Variants in TENM4 observed in about 807,000 individuals in gnomAD.
TENM4 encodes the protein teneurin-4.
TENM4 carries 82 observed loss-of-function variants against 243.3 expected under a neutral mutation model. The observed-to-expected ratio is 0.34, with a 90% CI of 0.28 to 0.40. The LOEUF is 0.40. TENM4 is among the 10% of genes least tolerant of loss of function. The probability of loss-of-function intolerance (pLI) is 1.00; values close to 1 mark genes in which losing one functional copy is unlikely to be tolerated. For synonymous variants in TENM4, 1,412 were observed against 1,456.3 expected, an observed-to-expected ratio of 0.97 and a Z score of 0.69; for missense variants, 3,138 against 3,673.3, an observed-to-expected ratio of 0.85 and a Z score of 3.77.
intron 24 of TENM4, among the ~76,000 whole-genome samples, chr11:78,721,464 C>A (rs188674666): frequency 2.0e-5 from 3 of 152,316 alleles, no homozygotes; most frequent in African/African-American, 7.2e-5. Flanking sequence ...AGGAACTTAA[C>A]AAGGCATTAA....
At chr11:79,182,065 A>G (rs1019965971) in intron 3 of TENM4, among the ~76,000 whole-genome samples, 3 of 152,160 alleles carry the variant, frequency 2.0e-5, no homozygotes, top group African/African-American at 2.4e-5. Flanking sequence ...AAATCCCAGC[A>G]AGTTATTTTG....
chr11:79,257,852 T>C (rs998763202), intron 2 of TENM4, among the ~76,000 whole-genome samples: 3 of 152,170 alleles, frequency 2.0e-5, no homozygotes, highest in Non-Finnish European at 4.4e-5. Flanking sequence ...AGGATCATCA[T>C]AGATAATGTG....
chr11:79,296,975 A>G (rs148787333), intron 2 of TENM4, among the ~76,000 whole-genome samples: 217 of 152,326 alleles, frequency 1.4e-3, no homozygotes, highest in African/African-American at 5.0e-3. Context: ...GGGACTAAAT[A>G]CCCTGGGAAA....
chr11:79,101,093 G>A (rs921643211), intron 4 of TENM4, among the ~76,000 whole-genome samples: 2 of 152,148 alleles, frequency 1.3e-5, no homozygotes, highest in Non-Finnish European at 2.9e-5. Flanking sequence ...AGAGGGGAGG[G>A]TATTGGGGGC....
rs773597999 is a variant in TENM4 at position 78,670,136 on chromosome 11, C to T, written c.6209G>A (p.Arg2070His). 36 of 1,613,888 alleles carry T rather than the reference C, an allele frequency of 2.2e-5. No individual in the cohort carries two copies. In the East Asian group the frequency reaches 2.9e-4, roughly 13 times the overall value. ...IGPLIDRQIFRFTEEGMVNAR... is the reference protein window; with the variant it reads ...IGPLIDRQIFHFTEEGMVNAR... ...GTTGACCATGCCTTCCTCAGTGAAG[C>T]GGAAGATCTGTCGGTCAATCAGGGG... Residue 2070 changes from arginine to histidine, a missense_variant, in exon 32 of 34, where the codon CGC (arginine) becomes CAC (histidine). By Grantham distance (29) the Arg-to-His change is conservative. Coordinates refer to ENST00000278550, the MANE Select transcript of TENM4 (RefSeq NM_001098816.3).
At chr11:78,739,208 A>G (rs954248753) in intron 19 of TENM4, among the ~76,000 whole-genome samples, 1 of 152,150 alleles carries the variant, frequency 6.6e-6, no homozygotes, top group Non-Finnish European at 1.5e-5. Context: ...CTCTTACTCT[A>G]TATTTTGGAC....
intron 3 of TENM4, among the ~76,000 whole-genome samples, chr11:79,189,521 G>T (rs1020721564): frequency 1.3e-5 from 2 of 152,204 alleles, no homozygotes; most frequent in African/African-American, 2.4e-5. Context: ...CACTGCAAAT[G>T]AATCAAACAT....
intron 12 of TENM4, among the ~76,000 whole-genome samples, chr11:78,852,023 C>T (rs770365687): frequency 6.6e-6 from 1 of 152,186 alleles, no homozygotes; most frequent in Non-Finnish European, 1.5e-5. Context: ...CAGTTGCTGC[C>T]GCCAATCCTG....
intron 6 of TENM4, among the ~76,000 whole-genome samples, chr11:79,027,170 G>A (rs1222247179): frequency 1.3e-5 from 2 of 152,192 alleles, no homozygotes; most frequent in Non-Finnish European, 2.9e-5. Flanking sequence ...AAAATTTAGG[G>A]GAAGAGGATA....
At chr11:78,941,484 A>G (rs997787061) in intron 6 of TENM4, among the ~76,000 whole-genome samples, 13 of 152,104 alleles carry the variant, frequency 8.5e-5, no homozygotes, top group Admixed American at 7.2e-4. Context: ...GTGCCCAAGT[A>G]GGGAAAGGCT....
rs192777404 is a variant in TENM4 at position 79,125,318 on chromosome 11, G to A, written c.-66+23392C>T. Among the ~76,000 whole-genome samples, 61 of 152,242 alleles carry A rather than the reference G, an allele frequency of 4.0e-4. 1 individual carries two copies. The highest frequency in any genetic ancestry group is 6.8e-3 in the Middle Eastern group (2 of 294). On this transcript the variant is annotated intron_variant, in intron 4 of 33. Coordinates refer to ENST00000278550, the MANE Select transcript of TENM4 (RefSeq NM_001098816.3). ...AGACAAAGTGATGAAAGAAAGTAAT[G>A]AACTCAGGGATTCCATCTCCTGGCT...
At chr11:78,775,306 C>T (rs900749192) in intron 17 of TENM4, among the ~76,000 whole-genome samples, 1 of 152,192 alleles carries the variant, frequency 6.6e-6, no homozygotes, top group African/African-American at 2.4e-5. Flanking sequence ...GTCCATGCTG[C>T]TCTGAGGCTG....
intron 2 of TENM4, among the ~76,000 whole-genome samples, chr11:79,229,269 T>A (rs374195584): frequency 4.3e-4 from 65 of 152,226 alleles, no homozygotes; most frequent in Non-Finnish European, 6.2e-4. Context: ...TGGCAGCATC[T>A]ACGCAGTCTC....
intron 1 of TENM4, among the ~76,000 whole-genome samples, chr11:79,401,720 C>T (rs564638430): frequency 6.6e-6 from 1 of 152,340 alleles, no homozygotes; most frequent in South Asian, 2.1e-4. Flanking sequence ...ACTTTTCCAT[C>T]AAGCTCAGTC....
At chr11:78,935,707 C>T (rs1459887664) in intron 6 of TENM4, among the ~76,000 whole-genome samples, 2 of 152,140 alleles carry the variant, frequency 1.3e-5, no homozygotes, top group Non-Finnish European at 2.9e-5. Context: ...TGTTATAATG[C>T]TGATAACAAT....
intron 4 of TENM4, among the ~76,000 whole-genome samples, chr11:79,130,991 A>G (rs1178739338): frequency 6.6e-6 from 1 of 152,176 alleles, no homozygotes; most frequent in Non-Finnish European, 1.5e-5. Context: ...AGAAAAAATA[A>G]TAAGAAAATA....
At chr11:79,280,933 T>A (rs1856147163) in intron 2 of TENM4, among the ~76,000 whole-genome samples, 1 of 152,206 alleles carries the variant, frequency 6.6e-6, no homozygotes, top group Admixed American at 6.5e-5. Flanking sequence ...TGGTTTAACA[T>A]CTTTTTTCTT....
intron 1 of TENM4, among the ~76,000 whole-genome samples, chr11:79,345,854 C>G (rs191469553): frequency 3.6e-4 from 55 of 152,292 alleles, no homozygotes; most frequent in African/African-American, 1.2e-3. Flanking sequence ...ATAGGACTTC[C>G]AAGTGAACAG....
intron 7 of TENM4, among the ~76,000 whole-genome samples, chr11:78,896,007 C>T (rs546455217): frequency 6.6e-6 from 1 of 152,274 alleles, no homozygotes; most frequent in Admixed American, 6.5e-5. Context: ...AGGAGGGGCT[C>T]CCAGTCCCAT....
Sources: allele counts gnomAD v4.1 joint callset (sites outside exome capture counted in the v4.1 genomes callset), GRCh38; gene constraint gnomAD v4.1.1; transcripts MANE v1.5; gene names NCBI Gene and HGNC (gene_info 2026-07-23, HGNC 2026-07-21).